The following ATOSB variants were observed in gnomAD, a reference collection of about 807,000 sequenced individuals.
ATOSB encodes atos homolog B.
the ATOSB span, chr9:35,106,577 A>G: frequency 6.4e-7 from 1 of 1,571,900 alleles, no homozygotes; most frequent in African/African-American, 1.3e-5. This position sits in a 1 kb window ranked among gnomAD's most constrained non-coding sequence, Gnocchi z 4.6. Context: ...CAGCAGGGGT[A>G]GGAACAGGGG....
chr9:35,104,464 GAC>G, the ATOSB span: 13 of 180,106 alleles, frequency 7.2e-5, no homozygotes, highest in African/African-American at 2.9e-4. Flanking sequence ...AAAACAAGGA[GAC>G]ACAGGTAGGA....
chr9:35,108,018 C>T, the ATOSB span: 1 of 1,555,340 alleles, frequency 6.4e-7, no homozygotes, highest in Non-Finnish European at 8.7e-7. Flanking sequence ...CTCTCTGGCC[C>T]CCAGCCCAGG....
the ATOSB span, among the ~76,000 whole-genome samples, chr9:35,114,592 C>T: frequency 6.6e-6 from 1 of 152,218 alleles, no homozygotes; most frequent in African/African-American, 2.4e-5. Flanking sequence ...AGAACTAGGT[C>T]CTAGCCTGTT....
At chr9:35,107,291 C>T in the ATOSB span, 1 of 1,432,056 alleles carries the variant, frequency 7.0e-7, no homozygotes, top group South Asian at 1.4e-5. Flanking sequence ...CCACTGCACT[C>T]CAGCAGTGAT....
chr9:35,114,651 C>T, the ATOSB span, among the ~76,000 whole-genome samples: 1 of 152,170 alleles, frequency 6.6e-6, no homozygotes, highest in African/African-American at 2.4e-5. Context: ...CCCTCTTCCT[C>T]CCCTAGCTGT....
At chr9:35,108,196 C>A in the ATOSB span, 4 of 1,596,118 alleles carry the variant, frequency 2.5e-6, no homozygotes, top group Admixed American at 5.2e-5. Flanking sequence ...CCCTGGAGGG[C>A]CCCCTGCCTG....
chr9:35,113,812 AC>A, the ATOSB span, among the ~76,000 whole-genome samples: 1 of 151,986 alleles, frequency 6.6e-6, no homozygotes, highest in Non-Finnish European at 1.5e-5. Flanking sequence ...GAGAGCAGCA[AC>A]TTTGTTTCGT....
chr9:35,105,061 A>T, the ATOSB span: 1 of 755,878 alleles, frequency 1.3e-6, no homozygotes, highest in African/African-American at 1.8e-5. The surrounding 1 kb of genome is among the most constrained non-coding windows in gnomAD (Gnocchi z 5.5). Flanking sequence ...GTGTAGTAAG[A>T]ATCAGAAGCT....
At chr9:35,107,732 G>C in the ATOSB span, 1 of 1,588,820 alleles carries the variant, frequency 6.3e-7, no homozygotes, top group South Asian at 1.1e-5. Context: ...TGTGCAGCTG[G>C]CCTGGAGGGG....
chr9:35,104,929 G>T, the ATOSB span: 1 of 289,566 alleles, frequency 3.5e-6, no homozygotes, highest in Non-Finnish European at 6.4e-6. Flanking sequence ...GGCAACGCTG[G>T]CATAACTTGC....
chr9:35,105,863 G>A, the ATOSB span: 2 of 1,614,140 alleles, frequency 1.2e-6, no homozygotes, highest in East Asian at 2.2e-5. This position sits in a 1 kb window ranked among gnomAD's most constrained non-coding sequence, Gnocchi z 5.5. Flanking sequence ...AAGGTCTAGG[G>A]ACAGGACAGT....
the ATOSB span, chr9:35,105,057 TA>T: frequency 1.4e-6 from 1 of 726,848 alleles, no homozygotes; most frequent in South Asian, 2.4e-5. The surrounding 1 kb of genome is among the most constrained non-coding windows in gnomAD (Gnocchi z 5.5). Context: ...CAGGGTGTAG[TA>T]AGAATCAGAA....
chr9:35,104,805 G>A, the ATOSB span: 149 of 179,318 alleles, frequency 8.3e-4, 1 homozygote, highest in South Asian at 0.014. Context: ...AGTGGGAAGC[G>A]GGGAGGAGTG....
At chr9:35,108,046 G>C in the ATOSB span, 1 of 1,536,520 alleles carries the variant, frequency 6.5e-7, no homozygotes. Flanking sequence ...TTCAGCTCCC[G>C]GGGACCCTCA....
chr9:35,105,646 T>C, the ATOSB span: 7 of 1,601,834 alleles, frequency 4.4e-6, no homozygotes, highest in African/African-American at 1.3e-5. The surrounding 1 kb of genome is among the most constrained non-coding windows in gnomAD (Gnocchi z 5.5). Context: ...AGGGGATACC[T>C]GGGCCTCCCC....
chr9:35,105,396 A>C, the ATOSB span: 12 of 1,594,034 alleles, frequency 7.5e-6, no homozygotes, highest in Non-Finnish European at 1.0e-5. This position sits in a 1 kb window ranked among gnomAD's most constrained non-coding sequence, Gnocchi z 5.5. Context: ...CAATGTGATC[A>C]ACGTAAGAAT....
chr9:35,105,665 C>T, the ATOSB span: 116 of 1,612,014 alleles, frequency 7.2e-5, no homozygotes, highest in Non-Finnish European at 9.4e-5. This position sits in a 1 kb window ranked among gnomAD's most constrained non-coding sequence, Gnocchi z 5.5. Flanking sequence ...CCAGCCATCC[C>T]TGGGCCCTCT....
chr9:35,107,319 C>CAAAAAAA, the ATOSB span: 62 of 1,161,206 alleles, frequency 5.3e-5, 9 homozygotes, highest in South Asian at 2.2e-4. Context: ...GATCCCATCT[C>CAAAAAAA]AAAAAAAAAA....
chr9:35,106,055 C>A, the ATOSB span: 1 of 1,584,978 alleles, frequency 6.3e-7, no homozygotes, highest in Non-Finnish European at 8.6e-7. The surrounding 1 kb of genome is among the most constrained non-coding windows in gnomAD (Gnocchi z 4.6). Context: ...CTAGGAAAAC[C>A]CTGGGCCCTA....
Sources: gnomAD v4.1 joint callset for allele counts (sites outside exome capture counted in the v4.1 genomes callset) on GRCh38, gnomAD v4.1.1 for gene constraint, Gnocchi (gnomAD v3.1) non-coding constraint, MANE v1.5 for transcripts, NCBI Gene and HGNC (gene_info 2026-07-23, HGNC 2026-07-21) for gene names.